Variants in GNAQ observed in about 807,000 individuals in gnomAD.
GNAQ encodes guanine nucleotide-binding protein G(q) subunit alpha.
A neutral mutation model predicts 43.9 loss-of-function variants in GNAQ; 8 were observed. The observed-to-expected ratio is 0.18, with a 90% CI of 0.11 to 0.33. The LOEUF is 0.33. Among genes scored for constraint, GNAQ ranks in the 10% least tolerant of loss-of-function variants. GNAQ has a pLI of 1.00. For missense variants in GNAQ, 158 were observed against 450.8 expected (o/e 0.35, Z 5.88); for synonymous variants, 155 against 170.7 (o/e 0.91, Z 0.71).
At chr9:77,842,184 T>C (rs913145176) in intron 2 of GNAQ, among the ~76,000 whole-genome samples, 4 of 152,204 alleles carry the variant, frequency 2.6e-5, no homozygotes, top group African/African-American at 9.6e-5. Flanking sequence ...TCCCATCCCC[T>C]ATTCTAGCTT....
chr9:77,753,932 C>T (rs1825857405), intron 5 of GNAQ, among the ~76,000 whole-genome samples: 1 of 152,222 alleles, frequency 6.6e-6, no homozygotes, highest in Admixed American at 6.5e-5. Flanking sequence ...TTTAAAATCA[C>T]TTTCTCTTGT....
At chr9:77,887,725 A>G (rs1587388259) in intron 2 of GNAQ, among the ~76,000 whole-genome samples, 2 of 152,224 alleles carry the variant, frequency 1.3e-5, no homozygotes, top group South Asian at 4.1e-4. Flanking sequence ...ATATTAAAAG[A>G]CTATAAATCA....
intron 1 of GNAQ, among the ~76,000 whole-genome samples, chr9:77,937,910 A>G (rs1261778174): frequency 6.6e-6 from 1 of 152,204 alleles, no homozygotes; most frequent in African/African-American, 2.4e-5. Context: ...ATAAATAAAT[A>G]AAATTTAAAA....
At chr9:77,989,126 C>G (rs1314442683) in intron 1 of GNAQ, among the ~76,000 whole-genome samples, 3 of 152,116 alleles carry the variant, frequency 2.0e-5, no homozygotes, top group Non-Finnish European at 2.9e-5. Context: ...ATTCTCTTTA[C>G]AGAAATGAAG....
rs544485034 is a variant in GNAQ, at chr9:77,974,185, A to G, written c.137-51840T>C. Among the ~76,000 whole-genome samples, 9 of 152,290 alleles carry G rather than the reference A, an allele frequency of 5.9e-5. No individual in the cohort carries two copies. In the South Asian group the frequency reaches 1.0e-3, roughly 18 times the overall value. On this transcript the variant is annotated intron_variant, in intron 1 of 6. Transcript: ENST00000286548. The stretch of plus-strand genomic sequence containing the variant: ...TTTAAGACACTGAAGAACTCGCCAT[A>G]TATCAACAGAGCAAGTAAGCTGGAG...
intron 1 of GNAQ, among the ~76,000 whole-genome samples, chr9:78,001,506 T>G (rs557301553): frequency 5.8e-4 from 88 of 152,162 alleles, no homozygotes; most frequent in African/African-American, 2.0e-3. Context: ...AAGTACAGAT[T>G]CTACCAATGA....
At chr9:77,922,031 T>C (rs1829004093) in intron 2 of GNAQ, 130 bp downstream of exon 2, 1 of 504,820 alleles carries the variant, frequency 2.0e-6, no homozygotes. Context: ...TCATTTATGA[T>C]GGGATGGAAA....
At chr9:77,754,267 T>C (rs902278495) in intron 5 of GNAQ, among the ~76,000 whole-genome samples, 1 of 152,188 alleles carries the variant, frequency 6.6e-6, no homozygotes, top group African/African-American at 2.4e-5. Context: ...CACACTGCAT[T>C]CTGACTGCCA....
intron 2 of GNAQ, among the ~76,000 whole-genome samples, chr9:77,894,664 A>G (rs1036457782): frequency 6.6e-6 from 1 of 151,064 alleles, no homozygotes; most frequent in African/African-American, 2.4e-5. Flanking sequence ...CTTGTGATCC[A>G]TCTGCCTCAG....
intron 1 of GNAQ, among the ~76,000 whole-genome samples, chr9:77,943,097 A>G (rs960045611): frequency 3.3e-5 from 5 of 152,214 alleles, no homozygotes; most frequent in African/African-American, 1.2e-4. Flanking sequence ...CCCAGTTAGC[A>G]CATAAGACTA....
At chr9:77,744,099 G>C (rs1488903077) in intron 5 of GNAQ, among the ~76,000 whole-genome samples, 3 of 152,154 alleles carry the variant, frequency 2.0e-5, no homozygotes, top group African/African-American at 7.2e-5. Context: ...CCATATTTCG[G>C]ATACAGACTG....
chr9:77,783,488 C>G (rs1305252942), intron 5 of GNAQ, among the ~76,000 whole-genome samples: 2 of 152,166 alleles, frequency 1.3e-5, no homozygotes, highest in Non-Finnish European at 2.9e-5. Flanking sequence ...ATAGCTGGCT[C>G]TTCTGTCTCT....
At chr9:78,026,054 G>A (rs1823975681) in intron 1 of GNAQ, among the ~76,000 whole-genome samples, 1 of 152,082 alleles carries the variant, frequency 6.6e-6, no homozygotes, top group African/African-American at 2.4e-5. Context: ...CTAAAGTAGA[G>A]CTGAGATGGT....
intron 6 of GNAQ, among the ~76,000 whole-genome samples, chr9:77,723,427 T>C (rs956553572): frequency 5.3e-5 from 8 of 152,346 alleles, no homozygotes; most frequent in Admixed American, 1.3e-4. Context: ...GGGGCTCTGA[T>C]AGACACTTGA....
rs529858166 is a variant in GNAQ at position 77,850,992 on chromosome 9, T to A, written c.322-35222A>T. On this transcript the variant is annotated intron_variant, in intron 2 of 6. Transcript: ENST00000286548. ...CTCCTCTTCCCAGCTCTTACTAAAG[T>A]GCTTGGTACCTCATAAAGGATCAAT... Among the ~76,000 whole-genome samples the A allele has an allele frequency of 1.5e-3, 228 of 152,214 alleles. 1 individual carries two copies. Among genetic ancestry groups the A allele is most frequent in the Non-Finnish European group, 2.7e-3 (182 of 68,012 alleles).
At chr9:77,829,117 T>C (rs148102960) in intron 2 of GNAQ, among the ~76,000 whole-genome samples, 2 of 152,278 alleles carry the variant, frequency 1.3e-5, no homozygotes, top group East Asian at 3.9e-4. Flanking sequence ...TATAATATTA[T>C]ACTTTTTCAG....
intron 5 of GNAQ, among the ~76,000 whole-genome samples, chr9:77,739,299 ATTAC>A (rs746623321): frequency 2.6e-5 from 4 of 152,172 alleles, no homozygotes; most frequent in Admixed American, 6.5e-5. Context: ...TTTCCAACAG[ATTAC>A]TTACTAACAT....
intron 1 of GNAQ, among the ~76,000 whole-genome samples, chr9:77,927,654 A>AC (rs1164225540): frequency 6.6e-6 from 1 of 151,690 alleles, no homozygotes; most frequent in East Asian, 1.9e-4. Context: ...TACCACTTCT[A>AC]CTTTTTTTTT....
chr9:77,988,652 C>T (rs1028386615), intron 1 of GNAQ, among the ~76,000 whole-genome samples: 2 of 152,144 alleles, frequency 1.3e-5, no homozygotes, highest in Admixed American at 1.3e-4. Context: ...AAGCACAGGG[C>T]CTGGCAGTGT....
Sources: gnomAD v4.1 joint callset for allele counts (sites outside exome capture counted in the v4.1 genomes callset) on GRCh38, gnomAD v4.1.1 for gene constraint, MANE v1.5 for transcripts, NCBI Gene and HGNC (gene_info 2026-07-23, HGNC 2026-07-21) for gene names.